The following CPLANE1 variants were observed in gnomAD, a reference collection of about 807,000 sequenced individuals.
The protein encoded by CPLANE1 is ciliogenesis and planar polarity effector complex subunit 1.
In CPLANE1, 263 loss-of-function variants were observed where a neutral mutation model predicts 362.5. The observed-to-expected ratio is 0.73, with a 90% confidence interval of 0.66 to 0.80. CPLANE1 has a LOEUF of 0.80. Among genes scored for constraint, CPLANE1 ranks in the 30% least tolerant of loss-of-function variants. CPLANE1 has a pLI of 0.00. For missense variants in CPLANE1, 3,461 were observed against 3,793.4 expected, an observed-to-expected ratio of 0.91 and a Z score of 2.30; for synonymous variants, 1,212 against 1,302.6, an observed-to-expected ratio of 0.93 and a Z score of 1.50.
chr5:37,212,116 A>G, intron 16 of CPLANE1: 1 of 947,920 alleles, frequency 1.1e-6, no homozygotes, highest in Non-Finnish European at 1.7e-6. Flanking sequence ...AAACTGTATC[A>G]GGAAAGGAGG....
intron 35 of CPLANE1, among the ~76,000 whole-genome samples, chr5:37,166,739 G>A (rs945514252): frequency 6.6e-6 from 1 of 152,142 alleles, no homozygotes; most frequent in Non-Finnish European, 1.5e-5. Flanking sequence ...CTGCATATGG[G>A]ATATTGTACC....
intron 50 of CPLANE1, among the ~76,000 whole-genome samples, chr5:37,118,764 A>G (rs1043427653): frequency 4.3e-4 from 64 of 149,740 alleles, no homozygotes; most frequent in Admixed American, 9.4e-4. Flanking sequence ...GCCAAGCTGG[A>G]GTGCAGTGGT....
At chr5:37,241,683 G>C (rs980899388) in intron 6 of CPLANE1, among the ~76,000 whole-genome samples, 1 of 152,122 alleles carries the variant, frequency 6.6e-6, no homozygotes, top group African/African-American at 2.4e-5. Context: ...CTGGAGTGCA[G>C]TGGCACGATT....
the CPLANE1 span, among the ~76,000 whole-genome samples, chr5:37,090,203 G>A: frequency 6.6e-6 from 1 of 152,098 alleles, no homozygotes. Context: ...CGTCTCTCAG[G>A]GGCAGCTAGA....
In CPLANE1 at chr5:37,175,975, G is replaced by T; in HGVS notation, c.5912C>A (p.Ala1971Asp). The T allele has an allele frequency of 6.2e-7, 1 of 1,611,152 alleles. No homozygotes were observed. The highest frequency in any genetic ancestry group is 8.5e-7 in the Non-Finnish European group (1 of 1,177,740). The change falls in exon 31 of 53, where the codon GCC becomes GAC. Residue 1971 changes from alanine to aspartate, a missense_variant. Coordinates refer to ENST00000651892, the MANE Select transcript of CPLANE1 (RefSeq NM_001384732.1). The part of the protein sequence containing the change: ...KSTEQKGMIE[A>D]FSHPGHTTPQ... ...AGTGGTATGCCCAGGATGTGAAAAG[G>T]CTTCGATCATACTATCAATAAAAAT...
intron 21 of CPLANE1, among the ~76,000 whole-genome samples, chr5:37,188,697 A>C (rs2151243760): frequency 6.6e-6 from 1 of 152,374 alleles, no homozygotes; most frequent in Middle Eastern, 3.4e-3. Context: ...AAATCATTAT[A>C]TGAAAAAGAC....
chr5:37,226,696 T>C lies in CPLANE1; in HGVS notation c.1899A>G (p.Ile633Met), dbSNP rs910843354. The part of the protein sequence containing the change: ...LSKSSRHNAW[I>M]LCIFQLFHQC... Reference sequence around the variant, plus strand: ...GATGAAAAAGTTGAAAGATACAAAGTATCCATGCATTATGTCTTGAGCTTT... The same window carrying C: ...GATGAAAAAGTTGAAAGATACAAAGCATCCATGCATTATGTCTTGAGCTTT... Residue 633 changes from isoleucine (I) to methionine (M), a missense_variant, in exon 12 of 53, where the codon ATA becomes ATG. By Grantham distance (10) the Ile-to-Met change is conservative (BLOSUM62 1). Coordinates refer to ENST00000651892, the MANE Select transcript of CPLANE1 (RefSeq NM_001384732.1). The C allele has an allele frequency of 1.9e-6, 3 of 1,550,534 alleles. No homozygotes were observed. The highest frequency in any genetic ancestry group is 1.7e-4 in the Middle Eastern group (1 of 5,986).
chr5:37,125,005 A>G (rs1179778033), intron 47 of CPLANE1: 1 of 1,269,316 alleles, frequency 7.9e-7, no homozygotes, highest in East Asian at 3.6e-5. Flanking sequence ...TGCTATAGCC[A>G]TCATTAGCCT....
At chr5:37,246,882 G>A (rs1581075673) in intron 2 of CPLANE1, among the ~76,000 whole-genome samples, 1 of 152,018 alleles carries the variant, frequency 6.6e-6, no homozygotes, top group East Asian at 1.9e-4. Flanking sequence ...CGTCCAGCCT[G>A]GGCAACAGAG....
intron 46 of CPLANE1, among the ~76,000 whole-genome samples, chr5:37,137,847 T>G (rs1768219173): frequency 6.6e-6 from 1 of 151,956 alleles, no homozygotes; most frequent in Admixed American, 6.6e-5. Flanking sequence ...ACATGGGAAT[T>G]ATGGGAACTA....
the CPLANE1 span, among the ~76,000 whole-genome samples, chr5:37,087,104 G>T: frequency 6.6e-6 from 1 of 152,144 alleles, no homozygotes; most frequent in African/African-American, 2.4e-5. Flanking sequence ...CGTTTCACAG[G>T]CTCAGTTAAG....
In CPLANE1 at chr5:37,153,890, G is replaced by A. The variant is rs1343319254; in HGVS notation, c.8223C>T (p.Cys2741=). The change falls in exon 42 of 53, where the codon TGC becomes TGT. Residue 2741 remains cysteine, a synonymous_variant. Transcript: ENST00000651892. ...GGTGAGCTGCAGAGCTTGGTGCAGG[G>A]CAAGCTGCAGAGACACCTTGCAGCC... ...WKRLQGVSAA[C]PAPSSAAHQL... 4 of 1,614,068 alleles carry A rather than the reference G, an allele frequency of 2.5e-6. No individual in the cohort carries two copies. Among genetic ancestry groups the A allele is most frequent in the Non-Finnish European group, 3.4e-6 (4 of 1,180,008 alleles).
At chr5:37,147,690 C>T (rs968410091) in intron 43 of CPLANE1, among the ~76,000 whole-genome samples, 2 of 152,070 alleles carry the variant, frequency 1.3e-5, no homozygotes, top group Non-Finnish European at 2.9e-5. Flanking sequence ...AAAGAGAACA[C>T]AGGTATGAAC....
chr5:37,233,538 A>C (rs1200246853), intron 8 of CPLANE1, among the ~76,000 whole-genome samples: 1 of 152,046 alleles, frequency 6.6e-6, no homozygotes, highest in Non-Finnish European at 1.5e-5. Context: ...CACACTTAGG[A>C]GAATACCCAC....
intron 8 of CPLANE1, among the ~76,000 whole-genome samples, chr5:37,236,464 T>TA (rs968267486): frequency 2.0e-5 from 3 of 151,896 alleles, no homozygotes; most frequent in Non-Finnish European, 4.4e-5. Flanking sequence ...GGCCTGAAAC[T>TA]AAAAAAATCC....
At chr5:37,098,122 G>GCA in the CPLANE1 span, among the ~76,000 whole-genome samples, 1 of 151,926 alleles carries the variant, frequency 6.6e-6, no homozygotes, top group Non-Finnish European at 1.5e-5. Context: ...GGCCAGGCAT[G>GCA]GTGGCTCACG....
At chr5:37,126,761 C>T (rs115535747) in intron 46 of CPLANE1, among the ~76,000 whole-genome samples, 78 of 152,248 alleles carry the variant, frequency 5.1e-4, no homozygotes, top group African/African-American at 1.7e-3. Flanking sequence ...ACTTGGGAGG[C>T]TGAAGTGGGA....
At chr5:37,136,560 C>A (rs540798486) in intron 46 of CPLANE1, among the ~76,000 whole-genome samples, 31 of 152,216 alleles carry the variant, frequency 2.0e-4, no homozygotes, top group Non-Finnish European at 4.4e-4. Context: ...CTAGGCAGTG[C>A]CCCAGAAGGG....
At chr5:37,146,209 C>T (rs898162454) in intron 43 of CPLANE1, among the ~76,000 whole-genome samples, 4 of 151,342 alleles carry the variant, frequency 2.6e-5, no homozygotes, top group African/African-American at 4.9e-5. Flanking sequence ...GACGGAGTCT[C>T]GCTCTGTTGC....
Sources: gnomAD v4.1 joint callset for allele counts (sites outside exome capture counted in the v4.1 genomes callset) on GRCh38, gnomAD v4.1.1 for gene constraint, MANE v1.5 for transcripts, NCBI Gene and HGNC (gene_info 2026-07-23, HGNC 2026-07-21) for gene names.